Variants in LNX1 observed in about 807,000 individuals in gnomAD.
LNX1 encodes E3 ubiquitin-protein ligase LNX.
Under a neutral mutation model 68.4 loss-of-function variants are expected in LNX1, and 54 were observed. That is an observed-to-expected ratio of 0.79 (90% CI 0.63 to 0.99). The LOEUF (loss-of-function observed/expected upper bound fraction) is 0.99. Ranked by LOEUF, LNX1 falls within the 50% of genes least tolerant of loss-of-function variation. The pLI, the probability that LNX1 is intolerant of heterozygous loss-of-function variation, is 0.00. For synonymous variants in LNX1, 336 were observed against 350.0 expected (o/e 0.96, Z 0.45); for missense variants, 906 against 926.4 (o/e 0.98, Z 0.29).
rs759732018 is a variant in LNX1, at chr4:53,508,163, G to C, written c.445C>G (p.Pro149Ala). ...DRKRRSQDGC[P>A]DGCASLTATA... is the part of the protein sequence containing the mutation. ...GCTGTGAGGCTCGCACAGCCGTCTG[G>C]ACAGCCATCTTGTGAGCGCCTCTTC... The change falls in exon 3 of 11, where the codon CCA becomes GCA. Residue 149 changes from proline to alanine, a missense_variant. Transcript: ENST00000263925. 6.2e-7 allele frequency: 1 copy of C among 1,614,180 alleles called. No homozygotes were observed. The highest frequency in any genetic ancestry group is 8.5e-7 in the Non-Finnish European group (1 of 1,180,032).
At chr4:53,652,114 T>G (rs752803854) in intron 1 of LNX1, 4 of 149,354 alleles carry the variant, frequency 2.7e-5, no homozygotes, top group Non-Finnish European at 2.9e-5. Context: ...AGAGGTGAAG[T>G]TTTTTTTTAA....
chr4:53,573,163 C>T (rs920210291), intron 2 of LNX1, among the ~76,000 whole-genome samples: 50 of 152,004 alleles, frequency 3.3e-4, no homozygotes, highest in African/African-American at 1.2e-3. Flanking sequence ...TGTATGATGT[C>T]GTTGATATGA....
chr4:53,608,331 G>C (rs757926698), intron 2 of LNX1, among the ~76,000 whole-genome samples: 1 of 152,108 alleles, frequency 6.6e-6, no homozygotes, highest in African/African-American at 2.4e-5. Context: ...TTTAAAAGAA[G>C]ACATACAAGC....
intron 2 of LNX1, among the ~76,000 whole-genome samples, chr4:53,567,031 C>T (rs1266270653): frequency 6.7e-6 from 1 of 150,290 alleles, no homozygotes; most frequent in East Asian, 2.0e-4. Context: ...CTTAGACTCC[C>T]ACACATTAAT....
At chr4:53,499,904 T>C (rs1725353645) in intron 4 of LNX1, among the ~76,000 whole-genome samples, 1 of 152,190 alleles carries the variant, frequency 6.6e-6, no homozygotes, top group Non-Finnish European at 1.5e-5. Flanking sequence ...GCTGGTGTTT[T>C]CAAACTGTAT....
chr4:53,564,887 A>T (rs13127527), intron 2 of LNX1, among the ~76,000 whole-genome samples: 4 of 151,950 alleles, frequency 2.6e-5, no homozygotes, highest in South Asian at 4.1e-4. Flanking sequence ...AAGGGGTGAC[A>T]GACAGCACCG....
At position 53,631,205 on chromosome 4, in the gene LNX1, G is replaced by A. The variant is rs150482753; in HGVS notation, c.-215+20963C>T. Reference sequence around the variant, plus strand: ...GTTTGTCTTCCCCACTACCTGGTGAGAGTGAAGGATCGGGAGTGGGGTGGG... The same window carrying A: ...GTTTGTCTTCCCCACTACCTGGTGAAAGTGAAGGATCGGGAGTGGGGTGGG... On this transcript the variant is annotated intron_variant, in intron 1 of 2. Coordinates refer to the LNX1 transcript ENST00000507168. Among the ~76,000 whole-genome samples the A allele has an allele frequency of 9.0e-3, 1,369 of 152,284 alleles. 18 individuals are homozygous for A. The highest frequency in any genetic ancestry group is 0.029 in the African/African-American group (1,206 of 41,564).
Position 53,538,500 on chromosome 4 carries a change from A to T in LNX1, c.381-30273T>A, listed in dbSNP as rs115637472. Among the ~76,000 whole-genome samples the T allele has an allele frequency of 6.4e-3, 970 of 152,332 alleles. 8 individuals carry two copies. The highest frequency in any genetic ancestry group is 0.02 in the Middle Eastern group (6 of 294). On this transcript the variant is annotated intron_variant, in intron 2 of 10. Coordinates refer to ENST00000263925, the MANE Select transcript of LNX1 (RefSeq NM_001126328.3). ...TGCTTTTTTGAATGCATGAGGGTTCATCGTTGAAAAACCACTCCATTACTC... is the reference window on the plus strand; with the variant it reads ...TGCTTTTTTGAATGCATGAGGGTTCTTCGTTGAAAAACCACTCCATTACTC...
At chr4:53,634,894 A>G (rs888273122) in intron 1 of LNX1, among the ~76,000 whole-genome samples, 1 of 151,528 alleles carries the variant, frequency 6.6e-6, no homozygotes, top group African/African-American at 2.4e-5. Flanking sequence ...CTGGAGTGCA[A>G]TCATGGGATC....
chr4:53,542,466 A>C (rs530124899), intron 2 of LNX1, among the ~76,000 whole-genome samples: 123 of 152,290 alleles, frequency 8.1e-4, no homozygotes, highest in African/African-American at 2.8e-3. Flanking sequence ...CAGCCATGGG[A>C]AGGTGTTTCA....
At chr4:53,622,929 G>T (rs911566427) in intron 1 of LNX1, among the ~76,000 whole-genome samples, 2 of 152,180 alleles carry the variant, frequency 1.3e-5, no homozygotes, top group African/African-American at 4.8e-5. Context: ...TATTCTTCTG[G>T]AGGAGAGTTT....
At position 53,461,570 on chromosome 4, in the gene LNX1, A is replaced by AT; in HGVS notation, c.1915dup (p.Ile639AsnfsTer20). 1 of 1,611,958 alleles carries AT rather than the reference A, an allele frequency of 6.2e-7. No homozygotes were observed. On this transcript the variant is annotated frameshift_variant, in exon 10 of 11. Transcript: ENST00000263925. LOFTEE classifies it high-confidence loss of function. The stretch of plus-strand genomic sequence containing the variant: ...TCCAGCTGTGTTTCTTCGTAATACA[A>AT]TATCTTTACAGTTATACAAGCACCT...
chr4:53,607,933 T>C (rs1733298161), intron 2 of LNX1, among the ~76,000 whole-genome samples: 1 of 152,118 alleles, frequency 6.6e-6, no homozygotes, highest in Non-Finnish European at 1.5e-5. Flanking sequence ...ATTGAAACAG[T>C]ACCCATTTCT....
intron 2 of LNX1, among the ~76,000 whole-genome samples, chr4:53,535,319 C>T (rs1279848350): frequency 5.9e-5 from 9 of 152,008 alleles, no homozygotes; most frequent in Admixed American, 3.9e-4. Context: ...CAAATTTTAC[C>T]GTAGTCATTA....
intron 5 of LNX1, 120 bp from the exon 6 acceptor site, chr4:53,496,514 A>T (rs1378602940): frequency 2.6e-5 from 32 of 1,247,706 alleles, no homozygotes; most frequent in Non-Finnish European, 3.0e-5. Context: ...CTCCCACCTC[A>T]TCCTGTGTCC....
At position 53,478,721 on chromosome 4, in the gene LNX1, A is replaced by T; in HGVS notation, c.1507T>A (p.Cys503Ser). Residue 503 changes from cysteine to serine, a missense_variant, in exon 8 of 11, where the codon TGT becomes AGT. By Grantham distance (112) the Cys-to-Ser change is moderately radical. Coordinates refer to ENST00000263925, the MANE Select transcript of LNX1 (RefSeq NM_001126328.3). ...TPKPLHPTIT[C>S]HEKVVNIQKD... is the part of the protein sequence containing the mutation. ...TGGATATTTACCACCTTCTCATGAC[A>T]AGTAATTGTAGGATGGAGGGGCTGA... 6.2e-7 allele frequency: 1 copy of T among 1,613,930 alleles called. No homozygotes were observed. The highest frequency in any genetic ancestry group is 8.5e-7 in the Non-Finnish European group (1 of 1,179,880).
At chr4:53,516,054 C>T (rs1726756324) in intron 2 of LNX1, among the ~76,000 whole-genome samples, 2 of 152,046 alleles carry the variant, frequency 1.3e-5, no homozygotes, top group Admixed American at 1.3e-4. Context: ...AGTTAGAGAC[C>T]CGTAGCAGGA....
At chr4:53,592,000 G>C (rs1192555925), upstream of LNX1, among the ~76,000 whole-genome samples, 5 of 152,280 alleles carry the variant, frequency 3.3e-5, no homozygotes, top group East Asian at 9.6e-4. Context: ...AATTTAAGTT[G>C]ACATTTCCAA....
At chr4:53,618,292 G>A (rs2572288), upstream of LNX1, among the ~76,000 whole-genome samples, 63,376 of 151,820 alleles carry the variant, frequency 0.42, 13,187 homozygotes, top group Admixed American at 0.45. Context: ...CTTGGGAAAA[G>A]AGTATTCTAA....
Sources: gnomAD v4.1 joint callset for allele counts (sites outside exome capture counted in the v4.1 genomes callset) on GRCh38, gnomAD v4.1.1 for gene constraint, MANE v1.5 for transcripts, NCBI Gene and HGNC (gene_info 2026-07-23, HGNC 2026-07-21) for gene names.